SLC44A1: variants seen among roughly 807,000 people sequenced by gnomAD.
The protein encoded by SLC44A1 is solute carrier family 44 member 1.
In SLC44A1, 26 loss-of-function variants were observed where a neutral mutation model predicts 79.3. The observed-to-expected ratio is 0.33, with a 90% CI of 0.24 to 0.46. The LOEUF is 0.46. SLC44A1 is among the 20% of genes least tolerant of loss of function. The pLI is 1.00. For missense variants in SLC44A1, 688 were observed against 798.1 expected (o/e 0.86, Z 1.66); for synonymous variants, 263 against 286.2 (o/e 0.92, Z 0.82).
intron 15 of SLC44A1, among the ~76,000 whole-genome samples, chr9:105,422,395 TCTC>T (rs1243390018): frequency 6.7e-6 from 1 of 150,284 alleles, no homozygotes; most frequent in Non-Finnish European, 1.5e-5. Context: ...TTCAAGCAAT[TCTC>T]CTGCCTCAGC....
At chr9:105,256,307 C>T (rs1349386849) in intron 1 of SLC44A1, among the ~76,000 whole-genome samples, 1 of 152,172 alleles carries the variant, frequency 6.6e-6, no homozygotes, top group African/African-American at 2.4e-5. Context: ...CCACCACACC[C>T]AGCCTGGTTT....
intron 1 of SLC44A1, among the ~76,000 whole-genome samples, chr9:105,285,017 C>T (rs1830442232): frequency 6.6e-6 from 1 of 152,134 alleles, no homozygotes; most frequent in South Asian, 2.1e-4. Context: ...AATATATGGG[C>T]TTTGTGCCTG....
chr9:105,287,934 T>C (rs947706885), intron 1 of SLC44A1, among the ~76,000 whole-genome samples: 2 of 152,180 alleles, frequency 1.3e-5, no homozygotes, highest in African/African-American at 2.4e-5. Context: ...ATATAGGTGA[T>C]ATAATGAGGA....
chr9:105,277,819 AC>A (rs758778321), intron 1 of SLC44A1, among the ~76,000 whole-genome samples: 2 of 152,192 alleles, frequency 1.3e-5, no homozygotes, highest in Non-Finnish European at 2.9e-5. Flanking sequence ...ACACAAGAGT[AC>A]TAAAAAACAA....
intron 6 of SLC44A1, 36 bp from the exon 7 acceptor site, chr9:105,358,308 A>C (rs1200304757): frequency 1.7e-6 from 2 of 1,191,862 alleles, no homozygotes; most frequent in Admixed American, 1.9e-5. Flanking sequence ...CTGCATTTTC[A>C]AATAATATTC....
At chr9:105,300,816 G>A (rs909758395) in intron 2 of SLC44A1, among the ~76,000 whole-genome samples, 7 of 147,402 alleles carry the variant, frequency 4.7e-5, no homozygotes, top group Admixed American at 6.8e-5. Context: ...TGCTCTTGTT[G>A]CCCATGCTGG....
rs1828607938 is a variant in SLC44A1 at position 105,385,605 on chromosome 9, A to G, written c.1950+103A>G. On this transcript the variant is annotated intron_variant, in intron 15 of 15. Transcript: ENST00000374720. ...CACTTCTTCAGGAGAAGCTTTTGTT[A>G]TCTGTATCACGCAGGACATGCTGCT... is the stretch of plus-strand genomic sequence containing the variant. 45 of 1,519,110 alleles carry G rather than the reference A, an allele frequency of 3.0e-5. 1 individual carries two copies. In the South Asian group the frequency reaches 5.3e-4, roughly 18 times the overall value. 94.1% of individuals were successfully genotyped at this position (1,519,110 alleles called of 1,614,324 possible). A position where few individuals can be genotyped will look rare whatever the true frequency, so the allele number is the denominator to read the frequency against.
At chr9:105,313,230 G>T (rs1056375567) in intron 3 of SLC44A1, among the ~76,000 whole-genome samples, 3 of 152,136 alleles carry the variant, frequency 2.0e-5, no homozygotes, top group Non-Finnish European at 2.9e-5. Flanking sequence ...TTACCTGAAC[G>T]TCCCTATATT....
Position 105,358,441 on chromosome 9 carries a change from AT to A in SLC44A1, c.760+11del. ...TCATACTCGGTTCACTTGGTAAGCT[AT>A]TTATTTCTTTGTTTTCTACCTCAGC... On this transcript the variant is annotated intron_variant, in intron 7 of 15. Transcript: ENST00000374720. 1 of 1,501,872 alleles carries A rather than the reference AT, an allele frequency of 6.7e-7. No individual in the cohort carries two copies. Among genetic ancestry groups the A allele is most frequent in the Non-Finnish European group, 9.3e-7 (1 of 1,079,536 alleles). 93.0% of individuals were successfully genotyped at this position (1,501,872 alleles called of 1,614,324 possible). A position where few individuals can be genotyped will look rare whatever the true frequency, so the allele number is the denominator to read the frequency against.
chr9:105,431,821 A>C (rs1564061662), intron 15 of SLC44A1, among the ~76,000 whole-genome samples: 1 of 152,228 alleles, frequency 6.6e-6, no homozygotes, highest in African/African-American at 2.4e-5. Context: ...GCTGTGTACA[A>C]CAAAGCAGCT....
intron 12 of SLC44A1, among the ~76,000 whole-genome samples, chr9:105,371,624 CA>C (rs1564464244): frequency 6.8e-6 from 1 of 146,928 alleles, no homozygotes; most frequent in African/African-American, 2.5e-5. Context: ...GAGGCTGAGG[CA>C]GGAGAATGGT....
intron 15 of SLC44A1, among the ~76,000 whole-genome samples, chr9:105,413,866 A>G (rs1829130857): frequency 6.6e-6 from 1 of 152,190 alleles, no homozygotes; most frequent in African/African-American, 2.4e-5. Context: ...GAATGTGTGT[A>G]GAGGCTGGGT....
chr9:105,309,711 G>T lies in SLC44A1; in HGVS notation c.127-13G>T, dbSNP rs1239734856. 6.2e-7 allele frequency: 1 copy of T among 1,612,050 alleles called. No individual in the cohort carries two copies. The highest frequency in any genetic ancestry group is 8.5e-7 in the Non-Finnish European group (1 of 1,178,900). On this transcript the variant is annotated splice_polypyrimidine_tract_variant and intron_variant, in intron 2 of 15. Coordinates refer to ENST00000374720, the MANE Select transcript of SLC44A1 (RefSeq NM_080546.5). The stretch of plus-strand genomic sequence containing the variant: ...ATGGTTTATTTGTATGTTTTTTTCT[G>T]TTTCTTTCCTAGGGATTTATTTGTG...
At chr9:105,413,397 C>T (rs563253542) in intron 15 of SLC44A1, among the ~76,000 whole-genome samples, 4 of 152,182 alleles carry the variant, frequency 2.6e-5, no homozygotes, top group Non-Finnish European at 4.4e-5. Context: ...TTTCGCCTTC[C>T]CAATATAGGT....
intron 15 of SLC44A1, among the ~76,000 whole-genome samples, chr9:105,414,840 A>G (rs1298699867): frequency 1.3e-5 from 2 of 152,152 alleles, no homozygotes; most frequent in Non-Finnish European, 2.9e-5. Flanking sequence ...TAGGAATAAG[A>G]TGCATTTTCA....
At chr9:105,326,127 G>A (rs1346536984) in intron 3 of SLC44A1, among the ~76,000 whole-genome samples, 3 of 152,150 alleles carry the variant, frequency 2.0e-5, no homozygotes, top group Non-Finnish European at 4.4e-5. Flanking sequence ...TTGGAGTGCA[G>A]TGGTACCACC....
chr9:105,376,368 C>T (rs919853589), intron 13 of SLC44A1, among the ~76,000 whole-genome samples: 3 of 133,448 alleles, frequency 2.2e-5, no homozygotes, highest in African/African-American at 9.2e-5. Flanking sequence ...ACACACTACA[C>T]ACACTGCTTT....
intron 3 of SLC44A1, among the ~76,000 whole-genome samples, chr9:105,313,976 C>T (rs1217944158): frequency 6.6e-6 from 1 of 151,974 alleles, no homozygotes; most frequent in Non-Finnish European, 1.5e-5. Flanking sequence ...GTTGCCCAGG[C>T]TGGTCTCGAA....
intron 15 of SLC44A1, among the ~76,000 whole-genome samples, chr9:105,403,681 T>C (rs1828987986): frequency 6.8e-6 from 1 of 146,554 alleles, no homozygotes; most frequent in Admixed American, 6.9e-5. Flanking sequence ...AACTCAGGAG[T>C]AGCAGGGAGA....
Sources: allele counts gnomAD v4.1 joint callset (sites outside exome capture counted in the v4.1 genomes callset), GRCh38; gene constraint gnomAD v4.1.1; transcripts MANE v1.5; gene names NCBI Gene and HGNC (gene_info 2026-07-23, HGNC 2026-07-21).